VDAC1: variants seen among roughly 807,000 people sequenced by gnomAD.
VDAC1 encodes non-selective voltage-gated ion channel VDAC1.
A neutral mutation model predicts 34.7 loss-of-function variants in VDAC1; 10 were observed. The observed-to-expected ratio is 0.29, with a 90% CI of 0.18 to 0.49. VDAC1 has a LOEUF of 0.49. Among genes scored for constraint, VDAC1 ranks in the 20% least tolerant of loss-of-function variants. VDAC1 has a pLI of 0.99. For missense variants in VDAC1, 230 were observed against 347.9 expected, an observed-to-expected ratio of 0.66 and a Z score of 2.69; for synonymous variants, 130 against 136.0, an observed-to-expected ratio of 0.96 and a Z score of 0.30.
the VDAC1 span, among the ~76,000 whole-genome samples, chr5:134,035,910 G>C: frequency 6.6e-6 from 1 of 151,534 alleles, no homozygotes; most frequent in Non-Finnish European, 1.5e-5. Context: ...GGAGGCTGAG[G>C]CAGGAGAATC....
At chr5:134,095,444 C>T in the VDAC1 span, among the ~76,000 whole-genome samples, 1 of 151,852 alleles carries the variant, frequency 6.6e-6, no homozygotes, top group Non-Finnish European at 1.5e-5. Flanking sequence ...GATTGCATCA[C>T]TGCACCCCAG....
chr5:134,015,594 G>A, the VDAC1 span, among the ~76,000 whole-genome samples: 2 of 151,960 alleles, frequency 1.3e-5, no homozygotes, highest in African/African-American at 2.4e-5. Context: ...CCAGCTATTC[G>A]GGGGGCTGAG....
chr5:133,986,644 C>T (rs943844091), intron 5 of VDAC1, among the ~76,000 whole-genome samples: 1 of 152,158 alleles, frequency 6.6e-6, no homozygotes, highest in Non-Finnish European at 1.5e-5. Flanking sequence ...CCTCAGCATT[C>T]CAAAGTGCTG....
chr5:134,065,155 T>C, the VDAC1 span, among the ~76,000 whole-genome samples: 1 of 152,074 alleles, frequency 6.6e-6, no homozygotes, highest in Non-Finnish European at 1.5e-5. Flanking sequence ...TTAAAGGATA[T>C]AAATTTCTCT....
At chr5:134,022,202 A>G in the VDAC1 span, among the ~76,000 whole-genome samples, 1 of 152,220 alleles carries the variant, frequency 6.6e-6, no homozygotes, top group Non-Finnish European at 1.5e-5. Flanking sequence ...CTTACATAAT[A>G]TCGTGAAAAG....
the VDAC1 span, among the ~76,000 whole-genome samples, chr5:134,104,231 C>A: frequency 6.6e-6 from 1 of 151,858 alleles, no homozygotes; most frequent in Admixed American, 6.6e-5. Flanking sequence ...AAGCCCTTCC[C>A]CTCATCCCTC....
At chr5:134,023,505 T>A in the VDAC1 span, among the ~76,000 whole-genome samples, 1 of 147,210 alleles carries the variant, frequency 6.8e-6, no homozygotes, top group Non-Finnish European at 1.5e-5. Flanking sequence ...AAGACAACCC[T>A]CTTCTGGGCC....
intron 1 of VDAC1, among the ~76,000 whole-genome samples, chr5:134,003,698 T>C (rs970023163): frequency 6.6e-6 from 1 of 152,242 alleles, no homozygotes; most frequent in Admixed American, 6.5e-5. Flanking sequence ...TACTTAGCCC[T>C]TCTCCACACC....
the VDAC1 span, among the ~76,000 whole-genome samples, chr5:134,042,951 T>C: frequency 1.3e-5 from 2 of 152,326 alleles, no homozygotes; most frequent in Admixed American, 1.3e-4. Flanking sequence ...CCATTGGCAC[T>C]GAGTATGTGG....
In VDAC1 at chr5:133,990,495, C is replaced by T. The variant is rs544814388; in HGVS notation, c.323+360G>A. On this transcript the variant is annotated intron_variant, in intron 5 of 8. Transcript: ENST00000265333. Reference sequence around the variant, plus strand: ...AAATGCAGAATCTTATTACAAAACACGGCTAAACACTGGTCTGAATCCTCT... The same window carrying T: ...AAATGCAGAATCTTATTACAAAACATGGCTAAACACTGGTCTGAATCCTCT... Among the ~76,000 whole-genome samples the T allele has an allele frequency of 2.5e-4, 38 of 152,322 alleles. 1 individual carries two copies. The South Asian group carries it at 5.6e-3, about 22-fold the overall frequency.
At chr5:134,067,769 A>G in the VDAC1 span, among the ~76,000 whole-genome samples, 1 of 152,128 alleles carries the variant, frequency 6.6e-6, no homozygotes, top group Non-Finnish European at 1.5e-5. Context: ...CCCTAGCTTC[A>G]TGATCAGTTC....
chr5:134,093,351 G>A, the VDAC1 span, among the ~76,000 whole-genome samples: 10 of 146,126 alleles, frequency 6.8e-5, no homozygotes, highest in Admixed American at 4.1e-4. Context: ...TGACACACAC[G>A]CATATAAGTG....
At chr5:134,051,701 G>GT in the VDAC1 span, among the ~76,000 whole-genome samples, 5 of 133,822 alleles carry the variant, frequency 3.7e-5, no homozygotes, top group Non-Finnish European at 6.5e-5. Flanking sequence ...TTTTGTTTTT[G>GT]TTTTTTTGTT....
Position 133,990,740 on chromosome 5 carries a change from T to C in VDAC1, c.323+115A>G, listed in dbSNP as rs1321378818. The C allele has an allele frequency of 3.2e-6, 4 of 1,257,698 alleles. No individual in the cohort carries two copies. In the Admixed American group the frequency reaches 9.9e-5, roughly 31 times the overall value. 77.9% of individuals were successfully genotyped at this position (1,257,698 alleles called of 1,614,324 possible). ...AAACCAGAGGACTTAAATCGCCAGG[T>C]CTCGGAGACCATATTTTAGGTGCTG... is the stretch of plus-strand genomic sequence containing the variant. On this transcript the variant is annotated intron_variant, in intron 5 of 8. Transcript: ENST00000265333.
chr5:134,077,062 T>C, the VDAC1 span, among the ~76,000 whole-genome samples: 41 of 152,182 alleles, frequency 2.7e-4, no homozygotes, highest in Non-Finnish European at 4.0e-4. Context: ...CCAGATCACT[T>C]GAGGCCAGGA....
chr5:134,112,335 G>T, the VDAC1 span, among the ~76,000 whole-genome samples: 109,422 of 152,136 alleles, frequency 0.72, 41,199 homozygotes, highest in East Asian at 0.85. Context: ...CTCCTGGAAG[G>T]CAGACACCTC....
Position 133,990,857 on chromosome 5 carries a change from A to C in VDAC1, c.321T>G (p.Thr107=), listed in dbSNP as rs1381208759. Residue 107 remains threonine, a splice_region_variant and synonymous_variant, in exon 5 of 9, where the codon ACT becomes ACG. Transcript: ENST00000265333. ...LTFDSSFSPN[T]GKKNAKIKTG... is the part of the protein sequence containing the mutation. ...GAGAAAACAGATGAAACTCTTACCC[A>C]GTGTTAGGTGAGAAGGATGAATCGA... The C allele has an allele frequency of 6.5e-7, 1 of 1,543,038 alleles. No homozygotes were observed. Among genetic ancestry groups the C allele is most frequent in the Non-Finnish European group, 8.7e-7 (1 of 1,144,704 alleles).
intron 5 of VDAC1, among the ~76,000 whole-genome samples, chr5:133,985,250 C>G (rs1447361077): frequency 2.0e-5 from 3 of 152,190 alleles, no homozygotes; most frequent in African/African-American, 7.2e-5. Flanking sequence ...TGCTCACCAA[C>G]AGAACAAGTG....
chr5:134,073,099 C>G, the VDAC1 span, among the ~76,000 whole-genome samples: 5 of 152,100 alleles, frequency 3.3e-5, no homozygotes, highest in African/African-American at 9.7e-5. Flanking sequence ...AACATCTGAC[C>G]CGGCAGCCCT....
Sources: allele counts gnomAD v4.1 joint callset (sites outside exome capture counted in the v4.1 genomes callset), GRCh38; gene constraint gnomAD v4.1.1; transcripts MANE v1.5; gene names NCBI Gene and HGNC (gene_info 2026-07-23, HGNC 2026-07-21).